Variants in TENM1 observed in about 807,000 individuals in gnomAD.
TENM1 encodes the protein teneurin transmembrane protein 1, also known as teneurin-1.
A neutral mutation model predicts 174.8 loss-of-function variants in TENM1; 35 were observed. That is an observed-to-expected ratio of 0.20 (90% CI 0.15 to 0.27). The LOEUF is 0.27. Ranked by LOEUF, TENM1 falls within the 10% of genes least tolerant of loss-of-function variation. The pLI, the probability that TENM1 is intolerant of heterozygous loss-of-function variation, is 1.00. For missense variants in TENM1, 1,633 were observed against 2,130.1 expected (o/e 0.77, Z 4.59); for synonymous variants, 781 against 798.7 (o/e 0.98, Z 0.37).
At chrX:124,653,764 C>T (rs748307998) in exon 7 of TENM1, 17 of 1,206,648 alleles carry the variant, frequency 1.4e-5, no homozygotes, top group South Asian at 1.1e-4. Flanking sequence ...CAGTGTCTAT[C>T]GCCCGTCCCT....
At chrX:125,069,063 G>C in the TENM1 span, among the ~76,000 whole-genome samples, 1 of 111,153 alleles carries the variant, frequency 9.0e-6, no homozygotes, top group South Asian at 3.8e-4. Context: ...TTGTTACATG[G>C]GAATGATGGG....
At chrX:124,697,300 C>T (rs951734072) in intron 5 of TENM1, among the ~76,000 whole-genome samples, 5 of 111,351 alleles carry the variant, frequency 4.5e-5, no homozygotes, top group African/African-American at 1.6e-4. Context: ...CTTGGATCCT[C>T]TTAATTTGTT....
rs181458911 is a variant in TENM1, at chrX:124,447,507, C to T, written c.4104+5830G>A. ...TATTTTCCGTTTCTCCATTTCCTCA[C>T]TTCCTACTCTGCCGCTGGTATCTGA... On this transcript the variant is annotated intron_variant, in intron 23 of 31. Transcript: ENST00000422452. Among the ~76,000 whole-genome samples, 11 of 112,047 alleles carry T rather than the reference C, an allele frequency of 9.8e-5. No homozygotes were observed. The East Asian group carries it at 3.1e-3, about 32-fold the overall frequency.
chrX:125,166,496 T>C, the TENM1 span, among the ~76,000 whole-genome samples: 1 of 111,259 alleles, frequency 9.0e-6, no homozygotes, highest in Non-Finnish European at 1.9e-5. Flanking sequence ...TCTAATAAAT[T>C]TAAGTGTAAA....
intron 10 of TENM1, among the ~76,000 whole-genome samples, chrX:124,642,790 C>A (rs1234015443): frequency 8.9e-6 from 1 of 111,967 alleles, no homozygotes; most frequent in Non-Finnish European, 1.9e-5. Flanking sequence ...AGTAACCATT[C>A]CATGGGAAAT....
At chrX:124,930,135 A>G (rs958614390) in intron 1 of TENM1, among the ~76,000 whole-genome samples, 6 of 110,253 alleles carry the variant, frequency 5.4e-5, no homozygotes, top group African/African-American at 2.0e-4. Flanking sequence ...AGACATGCAC[A>G]GACACACGCG....
chrX:124,561,256 T>C (rs760775275), intron 14 of TENM1, among the ~76,000 whole-genome samples: 1 of 111,390 alleles, frequency 9.0e-6, no homozygotes, highest in East Asian at 2.8e-4. Context: ...GGAGGTAGCA[T>C]GGTGTAGTAG....
intron 3 of TENM1, among the ~76,000 whole-genome samples, chrX:124,751,376 T>C (rs893031019): frequency 4.5e-5 from 5 of 111,893 alleles, no homozygotes; most frequent in South Asian, 3.7e-4. Context: ...AAATACATGT[T>C]AGATTACAAC....
chrX:124,966,662 A>C (rs1400041051), upstream of TENM1, among the ~76,000 whole-genome samples: 1 of 100,889 alleles, frequency 9.9e-6, no homozygotes, highest in Non-Finnish European at 2.0e-5. Flanking sequence ...ACTCCGTCTC[A>C]AAAAAAAAAA....
intron 15 of TENM1, among the ~76,000 whole-genome samples, chrX:124,535,057 T>C (rs2048178642): frequency 8.9e-6 from 1 of 111,956 alleles, no homozygotes; most frequent in Admixed American, 9.5e-5. Context: ...GTGGTGTTGG[T>C]CCTCAGTCCT....
At chrX:125,027,021 C>T in the TENM1 span, among the ~76,000 whole-genome samples, 3 of 111,572 alleles carry the variant, frequency 2.7e-5, no homozygotes, top group Admixed American at 1.9e-4. Context: ...GACAAAAACA[C>T]CCACTTTCAT....
At chrX:125,002,344 T>C in the TENM1 span, among the ~76,000 whole-genome samples, 21 of 111,548 alleles carry the variant, frequency 1.9e-4, no homozygotes, top group South Asian at 3.8e-4. Flanking sequence ...AGTATGTTTT[T>C]ATTCAAGGTC....
At chrX:124,935,928 A>G (rs893640546) in intron 1 of TENM1, among the ~76,000 whole-genome samples, 1 of 111,748 alleles carries the variant, frequency 8.9e-6, no homozygotes, top group Non-Finnish European at 1.9e-5. Context: ...CCTTTAGGTT[A>G]TATCTCAAGA....
At chrX:125,053,043 C>T in the TENM1 span, among the ~76,000 whole-genome samples, 55 of 111,985 alleles carry the variant, frequency 4.9e-4, no homozygotes, top group African/African-American at 1.6e-3. Flanking sequence ...GTAATTAAAA[C>T]ATTTTAAGAT....
chrX:124,536,059 T>C (rs2048199403), intron 15 of TENM1, among the ~76,000 whole-genome samples: 1 of 111,704 alleles, frequency 9.0e-6, no homozygotes, highest in South Asian at 3.7e-4. Flanking sequence ...TTATGCACGC[T>C]AGCCCCATTC....
chrX:124,859,310 C>A (rs971281322), intron 3 of TENM1, among the ~76,000 whole-genome samples: 1 of 108,892 alleles, frequency 9.2e-6, no homozygotes, highest in Admixed American at 9.8e-5. Flanking sequence ...TTTGGGAGGC[C>A]GAGGCAGGTG....
chrX:125,027,877 A>G, the TENM1 span, among the ~76,000 whole-genome samples: 1 of 111,714 alleles, frequency 9.0e-6, no homozygotes, highest in Admixed American at 9.5e-5. Flanking sequence ...GTGAAAAAGT[A>G]CTTTACCTCA....
intron 3 of TENM1, among the ~76,000 whole-genome samples, chrX:124,846,959 C>T (rs7052920): frequency 0.028 from 3,128 of 111,493 alleles, 117 homozygotes; most frequent in African/African-American, 0.097. Flanking sequence ...ACGGTAAACA[C>T]TGAAATAAGT....
intron 1 of TENM1, among the ~76,000 whole-genome samples, chrX:124,938,058 A>G (rs148048854): frequency 1.3e-4 from 15 of 112,044 alleles, no homozygotes; most frequent in Middle Eastern, 4.6e-3. Context: ...ATGTTTATGC[A>G]AAGAGCAACA....
Sources: gnomAD v4.1 joint callset for allele counts (sites outside exome capture counted in the v4.1 genomes callset) on GRCh38, gnomAD v4.1.1 for gene constraint, MANE v1.5 for transcripts, NCBI Gene and HGNC (gene_info 2026-07-23, HGNC 2026-07-21) for gene names.